Variants in ZNF827 observed in about 807,000 individuals in gnomAD.
The protein encoded by ZNF827 is zinc finger protein 827.
ZNF827 carries 13 observed loss-of-function variants against 102.4 expected under a neutral mutation model. The ratio of observed to expected loss-of-function variants is 0.13; its 90% CI spans 0.08 to 0.20. The LOEUF (loss-of-function observed/expected upper bound fraction) is 0.20, where lower values mean the gene tolerates loss of function less well. ZNF827 is among the 10% of genes least tolerant of loss of function. The probability of loss-of-function intolerance (pLI) is 1.00; values close to 1 mark genes in which losing one functional copy is unlikely to be tolerated. For synonymous variants in ZNF827, 523 were observed against 536.2 expected (o/e 0.98, Z 0.34); for missense variants, 1,103 against 1,344.4 (o/e 0.82, Z 2.81).
intron 2 of ZNF827, among the ~76,000 whole-genome samples, chr4:145,901,080 T>C (rs916096405): frequency 2.0e-5 from 3 of 152,224 alleles, no homozygotes. Context: ...GCCATTTAAA[T>C]GGAAATTTGT....
intron 1 of ZNF827, among the ~76,000 whole-genome samples, chr4:145,922,980 TTAA>T (rs1198521102): frequency 2.0e-5 from 3 of 152,218 alleles, no homozygotes; most frequent in African/African-American, 7.2e-5. Context: ...AGTGTTGATA[TTAA>T]TATTTTTTTT....
At chr4:145,924,398 A>G (rs1412216134) in intron 1 of ZNF827, among the ~76,000 whole-genome samples, 1 of 152,010 alleles carries the variant, frequency 6.6e-6, no homozygotes, top group Non-Finnish European at 1.5e-5. Flanking sequence ...TAGATATACT[A>G]TTTTTTTTAA....
Position 145,765,490 on chromosome 4 carries a change from G to T in ZNF827, c.3052+57C>A, listed in dbSNP as rs1735150637. ...GCTCCTGTGCAGGGCTTATTCTCAA[G>T]AATGGGTCATCCTGGGTGCGGAGGG... On this transcript the variant is annotated intron_variant, in intron 12 of 14. Coordinates refer to ENST00000508784, the MANE Select transcript of ZNF827 (RefSeq NM_001306215.2). The surrounding 1 kb of genome is among the most constrained non-coding windows in gnomAD (Gnocchi z 4.7). The T allele has an allele frequency of 6.5e-7, 1 of 1,545,648 alleles. No individual in the cohort carries two copies. Among genetic ancestry groups the T allele is most frequent in the African/African-American group, 1.4e-5 (1 of 72,854 alleles).
chr4:145,850,397 C>T (rs996344006), intron 5 of ZNF827, among the ~76,000 whole-genome samples: 1 of 152,182 alleles, frequency 6.6e-6, no homozygotes, highest in East Asian at 1.9e-4. Flanking sequence ...GTCAATTCAA[C>T]GGAGACATTT....
At chr4:145,936,275 C>T (rs528790216) in intron 1 of ZNF827, among the ~76,000 whole-genome samples, 84 of 152,206 alleles carry the variant, frequency 5.5e-4, no homozygotes, top group African/African-American at 2.0e-3. Context: ...AATCGCAGCG[C>T]GGAGCCTCCC....
At position 145,763,024 on chromosome 4, in the gene ZNF827, A is replaced by G; in HGVS notation, c.*17+66T>C. 1 of 1,439,854 alleles carries G rather than the reference A, an allele frequency of 6.9e-7. No individual in the cohort carries two copies. Among genetic ancestry groups the G allele is most frequent in the Non-Finnish European group, 9.4e-7 (1 of 1,065,924 alleles). The allele number at this position is 1,439,854 out of a possible 1,614,324, so 89.2% of individuals were successfully genotyped here. ...CTCAGCTCACAGAAGAGTGCACACGAGAGAAATATAAAGCCCATTCCCAGG... is the reference window on the plus strand; with the variant it reads ...CTCAGCTCACAGAAGAGTGCACACGGGAGAAATATAAAGCCCATTCCCAGG... On this transcript the variant is annotated intron_variant, in intron 14 of 14. Transcript: ENST00000508784. The surrounding 1 kb of genome is among the most constrained non-coding windows in gnomAD (Gnocchi z 4.6).
intron 5 of ZNF827, among the ~76,000 whole-genome samples, chr4:145,854,011 G>A (rs1048191021): frequency 1.3e-5 from 2 of 151,960 alleles, no homozygotes; most frequent in African/African-American, 4.8e-5. Flanking sequence ...GAGAAATTAT[G>A]GATGAAATTT....
At chr4:145,840,584 T>C (rs1253724158) in intron 7 of ZNF827, among the ~76,000 whole-genome samples, 1 of 152,368 alleles carries the variant, frequency 6.6e-6, no homozygotes, top group East Asian at 1.9e-4. Context: ...GGAGACCTCC[T>C]TAGATATCAA....
intron 4 of ZNF827, among the ~76,000 whole-genome samples, chr4:145,874,065 C>G (rs1451752784): frequency 6.6e-6 from 1 of 151,014 alleles, no homozygotes; most frequent in African/African-American, 2.4e-5. Flanking sequence ...ATCCCAACTT[C>G]TAGAGATCAT....
chr4:145,862,287 A>C (rs2126721117), intron 5 of ZNF827, among the ~76,000 whole-genome samples: 1 of 152,304 alleles, frequency 6.6e-6, no homozygotes, highest in African/African-American at 2.4e-5. Context: ...GTCCTGCTTA[A>C]ATGGTCAGGT....
chr4:145,793,248 G>T (rs538674060), intron 8 of ZNF827, among the ~76,000 whole-genome samples: 36 of 47,656 alleles, frequency 7.6e-4, no homozygotes, highest in African/African-American at 8.6e-4. Flanking sequence ...AGAACTAAGA[G>T]ATATATATAT....
At chr4:145,934,233 T>G (rs1175663101) in intron 1 of ZNF827, among the ~76,000 whole-genome samples, 1 of 152,242 alleles carries the variant, frequency 6.6e-6, no homozygotes, top group African/African-American at 2.4e-5. Context: ...TAGGGTCACC[T>G]GCAGAAGTTA....
intron 1 of ZNF827, among the ~76,000 whole-genome samples, chr4:145,935,171 C>T (rs1754070875): frequency 6.6e-6 from 1 of 152,124 alleles, no homozygotes; most frequent in Non-Finnish European, 1.5e-5. Flanking sequence ...AATCCCCAGA[C>T]TTCCTATATT....
At chr4:145,778,767 A>C (rs1224365329) in intron 9 of ZNF827, among the ~76,000 whole-genome samples, 1 of 152,020 alleles carries the variant, frequency 6.6e-6, no homozygotes, top group Non-Finnish European at 1.5e-5. Context: ...TTATTTAAAA[A>C]CCTGATTTCA....
At chr4:145,813,756 C>A (rs1742287895) in intron 8 of ZNF827, among the ~76,000 whole-genome samples, 2 of 152,270 alleles carry the variant, frequency 1.3e-5, no homozygotes, top group South Asian at 4.1e-4. Flanking sequence ...ATGAGATCTG[C>A]AGTCTAGAAA....
chr4:145,859,704 A>G (rs1461833417), intron 5 of ZNF827, among the ~76,000 whole-genome samples: 1 of 152,120 alleles, frequency 6.6e-6, no homozygotes, highest in Non-Finnish European at 1.5e-5. Context: ...CGTCCTCTCT[A>G]GAGCAGGTGC....
At chr4:145,775,132 AT>A (rs1736859076) in intron 10 of ZNF827, among the ~76,000 whole-genome samples, 3 of 152,246 alleles carry the variant, frequency 2.0e-5, no homozygotes, top group Admixed American at 2.0e-4. Context: ...AGTTTGTTGT[AT>A]GGCACTCCAA....
Position 145,886,094 on chromosome 4 carries a change from C to T in ZNF827, c.1331G>A (p.Arg444His). Residue 444 changes from arginine (R) to histidine (H), a missense_variant, in exon 4 of 15, where the codon CGC (arginine) becomes CAC (histidine). By Grantham distance (29) the Arg-to-His change is conservative. Coordinates refer to ENST00000508784, the MANE Select transcript of ZNF827 (RefSeq NM_001306215.2). ...CATGTGGAGTTTCAGGCTGAAGTGG[C>T]GTGAGGAAGTAAAAGGGCACAGCTG... Reference protein sequence around the residue: ...QCQLCPFTSSRHFSLKLHMRC... With the variant: ...QCQLCPFTSSHHFSLKLHMRC... 3 of 1,613,634 alleles carry T rather than the reference C, an allele frequency of 1.9e-6. No homozygotes were observed. Among genetic ancestry groups the T allele is most frequent in the Non-Finnish European group, 2.5e-6 (3 of 1,179,766 alleles).
intron 8 of ZNF827, among the ~76,000 whole-genome samples, chr4:145,797,132 C>G (rs2127088121): frequency 6.6e-6 from 1 of 152,282 alleles, no homozygotes; most frequent in Admixed American, 6.5e-5. Flanking sequence ...TCTCTTAGAG[C>G]CAGTGGCTCT....
Sources: allele counts gnomAD v4.1 joint callset (sites outside exome capture counted in the v4.1 genomes callset), GRCh38; gene constraint gnomAD v4.1.1; non-coding constraint Gnocchi (gnomAD v3.1); transcripts MANE v1.5; gene names NCBI Gene and HGNC (gene_info 2026-07-23, HGNC 2026-07-21).